The following MIR2052HG variants were observed in gnomAD, a reference collection of about 807,000 sequenced individuals.
MIR2052HG encodes MIR2052 host gene.
chr8:74,734,453 G>A (rs1306890050), intron 4 of MIR2052HG, among the ~76,000 whole-genome samples: 1 of 152,142 alleles, frequency 6.6e-6, no homozygotes, highest in African/African-American at 2.4e-5. Flanking sequence ...TCCACTAAAT[G>A]GTAATGATTT....
At chr8:74,684,822 C>T (rs1157136113) in intron 2 of MIR2052HG, among the ~76,000 whole-genome samples, 1 of 152,022 alleles carries the variant, frequency 6.6e-6, no homozygotes, top group Admixed American at 6.6e-5. Flanking sequence ...TAGACAGTGA[C>T]AAATAAAACA....
chr8:74,731,908 T>C (rs1809696081), intron 4 of MIR2052HG, among the ~76,000 whole-genome samples: 1 of 152,236 alleles, frequency 6.6e-6, no homozygotes, highest in Non-Finnish European at 1.5e-5. Context: ...TAGAACCCCA[T>C]AAATTAGTTT....
intron 1 of MIR2052HG, among the ~76,000 whole-genome samples, chr8:74,602,873 C>CTTTCTTTCTTTCTTTCT (rs940052573): frequency 3.6e-5 from 5 of 138,798 alleles, no homozygotes; most frequent in African/African-American, 8.2e-5. Context: ...TTCTTTCTTT[C>CTTTCTTTCTTTCTTTCT]TTTTTTCTAT....
chr8:74,716,349 A>C (rs1809521506), intron 4 of MIR2052HG, among the ~76,000 whole-genome samples: 1 of 152,196 alleles, frequency 6.6e-6, no homozygotes, highest in Non-Finnish European at 1.5e-5. Flanking sequence ...TTGGCTTGAA[A>C]GCAAGCTTTA....
rs151303928 is a variant in MIR2052HG at position 74,656,434 on chromosome 8, T to G, written n.216+43494T>G. ...GTAATTGAATCATGGGGGCCAGTCT[T>G]TCCTGTACTATTCTTGTGATAGTGA... On this transcript the variant is annotated intron_variant and non_coding_transcript_variant, in intron 2 of 6. Transcript: ENST00000523442. Among the ~76,000 whole-genome samples, 741 of 152,242 alleles carry G rather than the reference T, an allele frequency of 4.9e-3. 4 individuals are homozygous for G. The highest frequency in any genetic ancestry group is 0.017 in the African/African-American group (699 of 41,526).
intron 2 of MIR2052HG, among the ~76,000 whole-genome samples, chr8:74,615,690 C>G (rs1257823166): frequency 6.6e-6 from 1 of 151,782 alleles, no homozygotes; most frequent in Non-Finnish European, 1.5e-5. Flanking sequence ...ATACATGTGC[C>G]ATGTTGGTGT....
At chr8:74,649,876 G>A (rs2128736031) in intron 2 of MIR2052HG, among the ~76,000 whole-genome samples, 1 of 151,912 alleles carries the variant, frequency 6.6e-6, no homozygotes. Context: ...CTATATAAAT[G>A]TCCAGATAGT....
At chr8:74,739,859 C>T (rs1428778063) in intron 4 of MIR2052HG, among the ~76,000 whole-genome samples, 1 of 151,916 alleles carries the variant, frequency 6.6e-6, no homozygotes, top group African/African-American at 2.4e-5. Context: ...TTATATTTAC[C>T]ATCTATTTAT....
intron 4 of MIR2052HG, among the ~76,000 whole-genome samples, chr8:74,727,162 A>C (rs1563540833): frequency 1.3e-5 from 2 of 152,228 alleles, no homozygotes; most frequent in Admixed American, 6.5e-5. Context: ...ACACACACAC[A>C]CTTAAATTTT....
intron 2 of MIR2052HG, among the ~76,000 whole-genome samples, chr8:74,690,897 G>T (rs1298465816): frequency 6.6e-6 from 1 of 151,914 alleles, no homozygotes; most frequent in Non-Finnish European, 1.5e-5. Flanking sequence ...GGGGAATCTG[G>T]GGTAACATTT....
intron 2 of MIR2052HG, among the ~76,000 whole-genome samples, chr8:74,650,061 G>T (rs1808735981): frequency 6.6e-6 from 1 of 151,862 alleles, no homozygotes; most frequent in Admixed American, 6.6e-5. Context: ...TAAATCTGTG[G>T]TTTTATATTT....
intron 2 of MIR2052HG, among the ~76,000 whole-genome samples, chr8:74,622,271 A>G (rs1286729781): frequency 6.6e-6 from 1 of 152,244 alleles, no homozygotes; most frequent in Non-Finnish European, 1.5e-5. Context: ...CGAAAAGGTA[A>G]ATGAAACAAC....
intron 2 of MIR2052HG, among the ~76,000 whole-genome samples, chr8:74,615,420 A>C (rs1267428808): frequency 1.3e-5 from 2 of 152,232 alleles, no homozygotes; most frequent in Non-Finnish European, 2.9e-5. Flanking sequence ...TGAGGAAAAC[A>C]GAGGACTGGC....
chr8:74,749,647 G>A (rs1440191290), intron 4 of MIR2052HG, among the ~76,000 whole-genome samples: 4 of 151,934 alleles, frequency 2.6e-5, no homozygotes, highest in African/African-American at 9.7e-5. Context: ...TCAGGAGCAC[G>A]AGACCAGCCT....
chr8:74,673,098 A>G lies in MIR2052HG; in HGVS notation n.217-29281A>G, dbSNP rs1809010285. Among the ~76,000 whole-genome samples, 3 of 152,198 alleles carry G rather than the reference A, an allele frequency of 2.0e-5. No individual in the cohort carries two copies. The South Asian group carries it at 6.2e-4, about 32-fold the overall frequency. On this transcript the variant is annotated intron_variant and non_coding_transcript_variant, in intron 2 of 6. Transcript: ENST00000523442. ...AAGAAGAGGCAAAAAGAAAAAAAAC[A>G]TAGCTTTTATTGACAGGAAGGAATT... is the stretch of plus-strand genomic sequence containing the variant.
rs6983313 is a variant in MIR2052HG at position 74,608,754 on chromosome 8, A to G, written n.129-4099A>G. Among the ~76,000 whole-genome samples, 1,013 of 152,240 alleles carry G rather than the reference A, an allele frequency of 6.7e-3. 9 individuals carry two copies. The highest frequency in any genetic ancestry group is 0.023 in the African/African-American group (940 of 41,580). On this transcript the variant is annotated intron_variant and non_coding_transcript_variant, in intron 1 of 6. Transcript: ENST00000523442. ...TGTAGAAAATATTACGAACTGAATG[A>G]AAATGAAAATACAGTATCAAATTTT...
rs1808515510 is a variant in MIR2052HG, at chr8:74,631,847, G to A, written n.216+18907G>A. Among the ~76,000 whole-genome samples, 4 of 152,262 alleles carry A rather than the reference G, an allele frequency of 2.6e-5. No homozygotes were observed. The South Asian group carries it at 8.3e-4, about 32-fold the overall frequency. ...TCCTCACATGGCAGAAGGGGCAAAT[G>A]CTGTGTCTTCACATGGTGAAAAGGA... is the stretch of plus-strand genomic sequence containing the variant. On this transcript the variant is annotated intron_variant and non_coding_transcript_variant, in intron 2 of 6. Transcript: ENST00000523442.
At chr8:74,694,809 A>G (rs1009126404) in intron 2 of MIR2052HG, among the ~76,000 whole-genome samples, 5 of 152,128 alleles carry the variant, frequency 3.3e-5, no homozygotes, top group Non-Finnish European at 5.9e-5. Flanking sequence ...AAATGAACAA[A>G]GCCTCCAGGA....
In MIR2052HG at chr8:74,613,571, G is replaced by A. The variant is rs575521830; in HGVS notation, n.216+631G>A. Among the ~76,000 whole-genome samples, 19 of 152,128 alleles carry A rather than the reference G, an allele frequency of 1.2e-4. No individual in the cohort carries two copies. In the South Asian group the frequency reaches 2.3e-3, roughly 18 times the overall value. On this transcript the variant is annotated intron_variant and non_coding_transcript_variant, in intron 2 of 6. Coordinates refer to ENST00000523442, the Ensembl canonical transcript of MIR2052HG. ...AGGATCTTGGCTCACTGCAACTTCC[G>A]CCTCCCGGGTTCAAGCAATTCTCCC...
Sources: gnomAD v4.1 joint callset for allele counts (sites outside exome capture counted in the v4.1 genomes callset) on GRCh38, gnomAD v4.1.1 for gene constraint, MANE v1.5 for transcripts, NCBI Gene and HGNC (gene_info 2026-07-23, HGNC 2026-07-21) for gene names.